The following SCN8A variants were observed in gnomAD, a reference collection of about 807,000 sequenced individuals.
SCN8A encodes the protein sodium voltage-gated channel alpha subunit 8.
In SCN8A, 30 loss-of-function variants were observed where a neutral mutation model predicts 184.1. That is an observed-to-expected ratio of 0.16 (90% CI 0.12 to 0.22). SCN8A has a LOEUF of 0.22. SCN8A is among the 10% of genes least tolerant of loss of function. The probability of loss-of-function intolerance (pLI) is 1.00; values close to 1 mark genes in which losing one functional copy is unlikely to be tolerated. For synonymous variants in SCN8A, 852 were observed against 907.0 expected (o/e 0.94, Z 1.09); for missense variants, 1,057 against 2,498.9 (o/e 0.42, Z 12.30).
chr12:51,745,145 G>T (rs1198662396), intron 12 of SCN8A, among the ~76,000 whole-genome samples: 1 of 152,198 alleles, frequency 6.6e-6, no homozygotes, highest in Non-Finnish European at 1.5e-5. Context: ...ACCAGTTATT[G>T]TCCAGGGTGG....
At chr12:51,651,455 G>A (rs1264596030) in intron 1 of SCN8A, among the ~76,000 whole-genome samples, 1 of 152,104 alleles carries the variant, frequency 6.6e-6, no homozygotes, top group Non-Finnish European at 1.5e-5. Context: ...CATCCACCTC[G>A]GCCTCCCAAA....
chr12:51,639,493 T>TAGCCTCTAACTCCCTGACTCAAGTG (rs1565869349), intron 1 of SCN8A, among the ~76,000 whole-genome samples: 2 of 151,990 alleles, frequency 1.3e-5, no homozygotes, highest in African/African-American at 4.8e-5. Flanking sequence ...TAGCTCACTG[T>TAGCCTCTAACTCCCTGACTCAAGTG]AGCCTCGAAC....
intron 21 of SCN8A, among the ~76,000 whole-genome samples, chr12:51,784,860 G>A (rs1481943013): frequency 6.6e-6 from 1 of 152,192 alleles, no homozygotes; most frequent in Non-Finnish European, 1.5e-5. Flanking sequence ...ATAGTCAGAA[G>A]AGTTCCTGGA....
At chr12:51,689,427 A>C (rs1941471280) in intron 6 of SCN8A, 1 of 236,320 alleles carries the variant, frequency 4.2e-6, no homozygotes. Flanking sequence ...ATGGAATTAC[A>C]GTAATTTTGA....
intron 6 of SCN8A, among the ~76,000 whole-genome samples, chr12:51,692,941 T>C (rs559845801): frequency 3.3e-5 from 5 of 152,398 alleles, no homozygotes; most frequent in African/African-American, 1.2e-4. Context: ...GCTTATCTGC[T>C]GCTCATTAGC....
At chr12:51,642,095 A>G (rs1940468893) in intron 1 of SCN8A, among the ~76,000 whole-genome samples, 1 of 152,126 alleles carries the variant, frequency 6.6e-6, no homozygotes, top group Admixed American at 6.5e-5. Flanking sequence ...CCACATTCCT[A>G]GATTGCTCCT....
intron 1 of SCN8A, among the ~76,000 whole-genome samples, chr12:51,645,192 C>T (rs1475359397): frequency 4.8e-5 from 7 of 144,366 alleles, no homozygotes; most frequent in East Asian, 4.3e-4. Flanking sequence ...CCGCCCTGTC[C>T]GGGAGGGAGG....
intron 1 of SCN8A, among the ~76,000 whole-genome samples, chr12:51,619,128 G>T (rs1356146284): frequency 2.6e-5 from 4 of 152,048 alleles, no homozygotes; most frequent in Non-Finnish European, 4.4e-5. Context: ...AACAAAAATG[G>T]CAGTGTACTG....
Position 51,721,789 on chromosome 12 carries a change from T to C in SCN8A, c.1879T>C (p.Ser627Pro). The C allele has an allele frequency of 6.2e-7, 1 of 1,610,326 alleles. No individual in the cohort carries two copies. Among genetic ancestry groups the C allele is most frequent in the Non-Finnish European group, 8.5e-7 (1 of 1,179,250 alleles). The change falls in exon 12 of 27, where the codon TCG becomes CCG. Residue 627 changes from serine (S) to proline (P), a missense_variant. By Grantham distance (74) the Ser-to-Pro change is moderately conservative. This residue lies in a region of SCN8A where 322 missense variants were observed against 390.1 expected (regional missense o/e 0.83). Coordinates refer to ENST00000627620, the MANE Select transcript of SCN8A (RefSeq NM_001330260.2). ...CGGCTACAGCCAGGGCAGCCGCTCC[T>C]CGCGCATCTTCCCCAGCCTGCGGCG... ...YSGYSQGSRS[S>P]RIFPSLRRSV... is the part of the protein sequence containing the mutation.
chr12:51,721,106 T>TATATATATATATATATATAA (rs1179556945), intron 11 of SCN8A, among the ~76,000 whole-genome samples: 11 of 106,108 alleles, frequency 1.0e-4, no homozygotes, highest in African/African-American at 4.3e-4. Context: ...TATATATATA[T>TATATATATATATATATATAA]AATATTTATT....
At chr12:51,737,439 A>G (rs1942345791) in intron 12 of SCN8A, among the ~76,000 whole-genome samples, 1 of 152,184 alleles carries the variant, frequency 6.6e-6, no homozygotes, top group African/African-American at 2.4e-5. Context: ...GTTAATTGCC[A>G]AGGGCTAGTG....
intron 20 of SCN8A, among the ~76,000 whole-genome samples, chr12:51,779,898 TAA>T (rs1385140999): frequency 1.3e-5 from 2 of 152,188 alleles, no homozygotes; most frequent in Non-Finnish European, 2.9e-5. Flanking sequence ...TGGTTGTAGT[TAA>T]AAGTCAGAAG....
intron 19 of SCN8A, among the ~76,000 whole-genome samples, chr12:51,773,065 T>C (rs1942953503): frequency 6.6e-6 from 1 of 151,254 alleles, no homozygotes; most frequent in Admixed American, 6.6e-5. Flanking sequence ...TGCAGTGAGC[T>C]GAGATCGCAC....
At chr12:51,621,970 C>T (rs3741708) in intron 1 of SCN8A, among the ~76,000 whole-genome samples, 3,365 of 152,304 alleles carry the variant, frequency 0.022, 184 homozygotes, top group East Asian at 0.18. Context: ...ATAGAAGTAT[C>T]ATTACAGGAG....
rs1938696440 is a variant in SCN8A at position 51,806,136 on chromosome 12, A to G, written c.4796-146A>G. ...AGCCCCCATGCCCAGCCAAAATGTCACTTTTTGAGAGTTCAGACTGAATAG... is the reference window on the plus strand; with the variant it reads ...AGCCCCCATGCCCAGCCAAAATGTCGCTTTTTGAGAGTTCAGACTGAATAG... On this transcript the variant is annotated intron_variant, in intron 26 of 26. Coordinates refer to ENST00000627620, the MANE Select transcript of SCN8A (RefSeq NM_001330260.2). The surrounding 1 kb of genome is among the most constrained non-coding windows in gnomAD (Gnocchi z 8.7). 4 of 721,670 alleles carry G rather than the reference A, an allele frequency of 5.5e-6. No homozygotes were observed. The Admixed American group carries it at 1.3e-4, about 24-fold the overall frequency. The allele number at this position is 721,670 out of a possible 1,614,324, so 44.7% of individuals were successfully genotyped here. A position where few individuals can be genotyped will look rare whatever the true frequency, so the allele number is the denominator to read the frequency against.
Position 51,780,691 on chromosome 12 carries a change from G to C in SCN8A, c.3862G>C (p.Glu1288Gln), listed in dbSNP as rs1555227569. Residue 1288 changes from glutamate (E) to glutamine (Q), a missense_variant, in exon 21 of 27, where the codon GAA becomes CAA. Physicochemically the swap from Glu to Gln is conservative, Grantham distance 29 (BLOSUM62 2). Transcript: ENST00000627620. ...SLIANALGYS[E>Q]LGAIKSLRTL... ...TATAGCTAATGCCCTGGGCTACTCG[G>C]AACTAGGTGCCATAAAGTCCCTTAG... 6.3e-7 allele frequency: 1 copy of C among 1,594,754 alleles called. No homozygotes were observed. Among genetic ancestry groups the C allele is most frequent in the African/African-American group, 1.4e-5 (1 of 73,074 alleles).
chr12:51,786,175 A>G (rs1025783415), intron 21 of SCN8A, among the ~76,000 whole-genome samples: 2 of 152,226 alleles, frequency 1.3e-5, no homozygotes, highest in Non-Finnish European at 2.9e-5. Flanking sequence ...AAAGGCAACT[A>G]GCAAGCTGAA....
At chr12:51,733,317 G>T (rs907471100) in intron 12 of SCN8A, among the ~76,000 whole-genome samples, 1 of 152,066 alleles carries the variant, frequency 6.6e-6, no homozygotes, top group African/African-American at 2.4e-5. Context: ...ATGATCATAT[G>T]GTTTTTGTTG....
chr12:51,764,970 T>C (rs1454642743), intron 15 of SCN8A, among the ~76,000 whole-genome samples: 2 of 151,940 alleles, frequency 1.3e-5, no homozygotes, highest in Non-Finnish European at 2.9e-5. Context: ...GAGACGGCAT[T>C]TCACCATGTT....
Sources: gnomAD v4.1 joint callset for allele counts (sites outside exome capture counted in the v4.1 genomes callset) on GRCh38, gnomAD v4.1.1 for gene constraint, gnomAD v4.1.1 regional missense constraint, Gnocchi (gnomAD v3.1) non-coding constraint, MANE v1.5 for transcripts, NCBI Gene and HGNC (gene_info 2026-07-23, HGNC 2026-07-21) for gene names.